The following DENND2B variants were observed in gnomAD, a reference collection of about 807,000 sequenced individuals.
DENND2B encodes DENN domain-containing protein 2B.
A neutral mutation model predicts 116.0 loss-of-function variants in DENND2B; 32 were observed. The observed-to-expected ratio is 0.28, with a 90% CI of 0.21 to 0.37. The LOEUF is 0.37. Ranked by LOEUF, DENND2B falls within the 10% of genes least tolerant of loss-of-function variation. The pLI, the probability that DENND2B is intolerant of heterozygous loss-of-function variation, is 1.00. For synonymous variants in DENND2B, 588 were observed against 583.9 expected (o/e 1.01, Z -0.10); for missense variants, 1,276 against 1,477.7 (o/e 0.86, Z 2.24).
chr11:8,871,004 G>C (rs1165958848), exon 2 of DENND2B: 1 of 151,724 alleles, frequency 6.6e-6, no homozygotes, highest in Admixed American at 6.6e-5. Flanking sequence ...GGGTCTCGCC[G>C]GGAGCCGCGC....
chr11:8,765,686 G>A (rs1216427050), intron 1 of DENND2B, among the ~76,000 whole-genome samples: 1 of 104,422 alleles, frequency 9.6e-6, no homozygotes, highest in Non-Finnish European at 2.3e-5. Flanking sequence ...TCAATTTCTT[G>A]TATCATTTTT....
intron 1 of DENND2B, among the ~76,000 whole-genome samples, chr11:8,764,843 G>A (rs2134137555): frequency 6.6e-6 from 1 of 151,504 alleles, no homozygotes; most frequent in Admixed American, 6.6e-5. Context: ...TACTCTGGAG[G>A]CTGAGGCAGG....
intron 1 of DENND2B, among the ~76,000 whole-genome samples, chr11:8,898,644 A>C (rs1262298427): frequency 6.6e-6 from 1 of 152,224 alleles, no homozygotes; most frequent in Non-Finnish European, 1.5e-5. Flanking sequence ...TTTTTAAATA[A>C]AGGTTTATTG....
intron 1 of DENND2B, among the ~76,000 whole-genome samples, chr11:8,889,287 A>T (rs1007006159): frequency 1.3e-5 from 2 of 152,258 alleles, no homozygotes; most frequent in Non-Finnish European, 2.9e-5. Flanking sequence ...CCGAATAGGA[A>T]CAGCTCCAGT....
chr11:8,775,680 G>A (rs1405900909), intron 1 of DENND2B, among the ~76,000 whole-genome samples: 2 of 152,258 alleles, frequency 1.3e-5, no homozygotes, highest in South Asian at 2.1e-4. Context: ...GACGTCCTTG[G>A]AGCCATTTCT....
intron 11 of DENND2B, among the ~76,000 whole-genome samples, chr11:8,709,623 C>T (rs1308649454): frequency 6.6e-6 from 1 of 152,234 alleles, no homozygotes; most frequent in Non-Finnish European, 1.5e-5. Context: ...CGCCCCCTCT[C>T]CCCAGTCCAT....
intron 4 of DENND2B, among the ~76,000 whole-genome samples, chr11:8,724,540 T>C (rs1209594996): frequency 6.6e-6 from 1 of 152,172 alleles, no homozygotes; most frequent in Non-Finnish European, 1.5e-5. Context: ...CTGATGAGGA[T>C]GCTAATAGAA....
intron 2 of DENND2B, among the ~76,000 whole-genome samples, chr11:8,862,033 G>GAGGA (rs1250860456): frequency 6.8e-6 from 1 of 147,548 alleles, no homozygotes; most frequent in Non-Finnish European, 1.5e-5. Flanking sequence ...ACAGAAGGGG[G>GAGGA]AGGAAGGGAG....
rs149546522 is a variant in DENND2B, at chr11:8,790,640, G to A, written c.-26+19877C>T. ...AAAAATTAGCCAAGCATGGTGGTTC[G>A]TGCCCATGATCTCAGCTTCTCCAGA... On this transcript the variant is annotated intron_variant, in intron 1 of 19. Transcript: ENST00000313726. Among the ~76,000 whole-genome samples, 686 of 152,230 alleles carry A rather than the reference G, an allele frequency of 4.5e-3. 4 individuals are homozygous for A. The highest frequency in any genetic ancestry group is 7.9e-3 in the Non-Finnish European group (537 of 68,026).
intron 1 of DENND2B, among the ~76,000 whole-genome samples, chr11:8,805,772 C>T (rs975606445): frequency 6.6e-6 from 1 of 152,164 alleles, no homozygotes; most frequent in African/African-American, 2.4e-5. Flanking sequence ...TACAACACAA[C>T]GTCTATTATA....
chr11:8,712,241 T>C lies in DENND2B; in HGVS notation c.2172+310A>G, dbSNP rs1196533836. Among the ~76,000 whole-genome samples the C allele has an allele frequency of 6.6e-6, 1 of 152,162 alleles. No individual in the cohort carries two copies. Among genetic ancestry groups the C allele is most frequent in the Non-Finnish European group, 1.5e-5 (1 of 68,022 alleles). ...CTGTGGTGATGATTGCACAATTCTG[T>C]GAATACACCCAAACACTGAACTGTA... On this transcript the variant is annotated intron_variant, in intron 9 of 19. Transcript: ENST00000313726. The surrounding 1 kb of genome is among the most constrained non-coding windows in gnomAD (Gnocchi z 4.4).
chr11:8,710,158 A>G (rs2043342231), intron 11 of DENND2B, among the ~76,000 whole-genome samples: 1 of 152,204 alleles, frequency 6.6e-6, no homozygotes, highest in Non-Finnish European at 1.5e-5. Context: ...AAACATTGTC[A>G]ACAACCCAGT....
At chr11:8,890,709 T>C (rs911947942) in intron 1 of DENND2B, among the ~76,000 whole-genome samples, 8 of 151,968 alleles carry the variant, frequency 5.3e-5, no homozygotes, top group African/African-American at 1.5e-4. Context: ...TAAAAAGAAA[T>C]GAACAAAGCC....
chr11:8,795,882 C>T (rs1271049202), intron 1 of DENND2B, among the ~76,000 whole-genome samples: 4 of 152,202 alleles, frequency 2.6e-5, no homozygotes, highest in African/African-American at 9.7e-5. Flanking sequence ...AATGTCTGCT[C>T]ATTGTGAATC....
intron 1 of DENND2B, among the ~76,000 whole-genome samples, chr11:8,898,033 T>C (rs192981615): frequency 6.6e-6 from 1 of 152,314 alleles, no homozygotes; most frequent in Admixed American, 6.5e-5. Context: ...CATGGCCTCC[T>C]AAAGCACTGG....
chr11:8,734,417 T>A (rs903328481), intron 2 of DENND2B, among the ~76,000 whole-genome samples: 1 of 152,276 alleles, frequency 6.6e-6, no homozygotes, highest in Middle Eastern at 3.4e-3. Context: ...TAGCCACTTA[T>A]AAGCTTCATG....
chr11:8,720,555 C>T (rs2045980095), intron 4 of DENND2B, among the ~76,000 whole-genome samples: 1 of 152,230 alleles, frequency 6.6e-6, no homozygotes, highest in Non-Finnish European at 1.5e-5. Context: ...TCTAATGTAA[C>T]AAAGCCACTA....
intron 1 of DENND2B, among the ~76,000 whole-genome samples, 169 bp from the exon 2 acceptor site, chr11:8,750,894 A>C (rs1745088699): frequency 6.6e-6 from 1 of 152,212 alleles, no homozygotes; most frequent in Non-Finnish European, 1.5e-5. Context: ...AGAGACCCCA[A>C]GAAACCCCTG....
At position 8,710,847 on chromosome 11, in the gene DENND2B, G is replaced by C. The variant is rs1288991307; in HGVS notation, c.2350C>G (p.Leu784Val). ...GAGGACCGAATGGCCTCACTCACCA[G>C]TAAGCGCCTGCAGTAGCCAAAGCGT... ...SRRFGYCRRL[L>V]PSGKGPRLPE... The change falls in exon 11 of 20, where the codon CTG becomes GTG. Residue 784 changes from leucine to valine, a missense_variant and splice_region_variant. By Grantham distance (32) the Leu-to-Val change is conservative (BLOSUM62 1). Transcript: ENST00000313726. 1.2e-6 allele frequency: 2 copies of C among 1,613,608 alleles called. No individual in the cohort carries two copies. The highest frequency in any genetic ancestry group is 1.7e-5 in the Admixed American group (1 of 59,992).
Sources: allele counts gnomAD v4.1 joint callset (sites outside exome capture counted in the v4.1 genomes callset), GRCh38; gene constraint gnomAD v4.1.1; non-coding constraint Gnocchi (gnomAD v3.1); transcripts MANE v1.5; gene names NCBI Gene and HGNC (gene_info 2026-07-23, HGNC 2026-07-21).